Variants in MYO5A observed in about 807,000 individuals in gnomAD.
MYO5A encodes myosin VA.
In MYO5A, 98 loss-of-function variants were observed where a neutral mutation model predicts 249.7. The observed-to-expected ratio is 0.39, with a 90% CI of 0.33 to 0.46. MYO5A has a LOEUF of 0.46. MYO5A is among the 20% of genes least tolerant of loss of function. MYO5A has a pLI of 0.98. For synonymous variants in MYO5A, 778 were observed against 810.6 expected, an observed-to-expected ratio of 0.96 and a Z score of 0.68; for missense variants, 1,696 against 2,308.8, an observed-to-expected ratio of 0.73 and a Z score of 5.44.
intron 1 of MYO5A, among the ~76,000 whole-genome samples, chr15:52,449,551 C>A (rs1026133402): frequency 3.9e-5 from 6 of 152,042 alleles, no homozygotes; most frequent in Non-Finnish European, 7.4e-5. Context: ...TGGCAGCCTA[C>A]CTGGAACACT....
At chr15:52,468,026 C>T (rs1392956582) in intron 1 of MYO5A, among the ~76,000 whole-genome samples, 1 of 152,058 alleles carries the variant, frequency 6.6e-6, no homozygotes, top group East Asian at 1.9e-4. Flanking sequence ...AAACAGGTAG[C>T]GAACAGAAGC....
chr15:52,392,163 G>A (rs900121575), intron 11 of MYO5A, 93 bp from the exon 12 acceptor site: 1 of 1,290,820 alleles, frequency 7.7e-7, no homozygotes, highest in Non-Finnish European at 1.1e-6. Context: ...GATAATCTGT[G>A]GCTTTCAACA....
At chr15:52,331,218 T>TA (rs146117964) in intron 34 of MYO5A, among the ~76,000 whole-genome samples, 4,904 of 152,286 alleles carry the variant, frequency 0.032, 282 homozygotes, top group African/African-American at 0.11. Context: ...AATATAATGT[T>TA]AAAAATTCTA....
At chr15:52,365,004 C>G (rs2040741410) in intron 23 of MYO5A, among the ~76,000 whole-genome samples, 1 of 152,148 alleles carries the variant, frequency 6.6e-6, no homozygotes, top group East Asian at 1.9e-4. Flanking sequence ...TGTCTAGTAA[C>G]TAAAGTGTAC....
chr15:52,470,415 G>A (rs2076436896), intron 1 of MYO5A, among the ~76,000 whole-genome samples: 1 of 152,128 alleles, frequency 6.6e-6, no homozygotes, highest in Admixed American at 6.5e-5. Context: ...ACGTTGGGAG[G>A]CCGAGGCAGG....
chr15:52,429,051 A>G (rs1204797672), intron 2 of MYO5A, among the ~76,000 whole-genome samples: 1 of 152,188 alleles, frequency 6.6e-6, no homozygotes, highest in Non-Finnish European at 1.5e-5. Flanking sequence ...GGGTTGTGGT[A>G]AAAAAGTAAA....
intron 38 of MYO5A, 64 bp from the exon 39 acceptor site, chr15:52,319,406 C>G: frequency 5.4e-6 from 8 of 1,484,684 alleles, no homozygotes; most frequent in Non-Finnish European, 7.5e-6. Context: ...GTGCACATAT[C>G]CATGTGCACA....
intron 1 of MYO5A, among the ~76,000 whole-genome samples, chr15:52,445,364 C>T (rs1034749230): frequency 7.2e-5 from 11 of 152,044 alleles, no homozygotes; most frequent in African/African-American, 2.2e-4. Context: ...AAGCAGATGC[C>T]GCCATGCTTC....
chr15:52,445,126 T>A (rs555531379), intron 1 of MYO5A, among the ~76,000 whole-genome samples: 4 of 152,290 alleles, frequency 2.6e-5, no homozygotes, highest in Non-Finnish European at 4.4e-5. Flanking sequence ...TGAAATGTAA[T>A]CCCCAATGCT....
At chr15:52,350,332 T>C (rs935838297) in intron 28 of MYO5A, among the ~76,000 whole-genome samples, 3 of 152,236 alleles carry the variant, frequency 2.0e-5, no homozygotes, top group African/African-American at 7.2e-5. Flanking sequence ...TTTTTAGAAT[T>C]TGATATTTTT....
intron 11 of MYO5A, among the ~76,000 whole-genome samples, chr15:52,395,299 C>T (rs2042440154): frequency 6.6e-6 from 1 of 152,178 alleles, no homozygotes; most frequent in Admixed American, 6.5e-5. Context: ...CACTATTCTC[C>T]CTATATTACT....
intron 1 of MYO5A, among the ~76,000 whole-genome samples, chr15:52,479,497 C>G (rs530861951): frequency 3.4e-4 from 51 of 151,656 alleles, no homozygotes; most frequent in African/African-American, 1.1e-3. Context: ...GTAAGTGGAC[C>G]CATGCAGTTC....
chr15:52,313,512 A>G lies in MYO5A; in HGVS notation c.*184T>C, dbSNP rs887604296. On this transcript the variant is annotated 3_prime_UTR_variant, in exon 42 of 42. Transcript: ENST00000399233. ...GTTGCTATAAAGATAACACAGCACGAAAGAGCCTATCTTTGTTTCCAAAGT... is the reference window on the plus strand; with the variant it reads ...GTTGCTATAAAGATAACACAGCACGGAAGAGCCTATCTTTGTTTCCAAAGT... The G allele has an allele frequency of 1.3e-6, 1 of 764,186 alleles. No individual in the cohort carries two copies. The highest frequency in any genetic ancestry group is 2.8e-5 in the East Asian group (1 of 36,026). The allele number at this position is 764,186 out of a possible 1,614,324, so 47.3% of individuals were successfully genotyped here. A position where few individuals can be genotyped will look rare whatever the true frequency, so the allele number is the denominator to read the frequency against.
chr15:52,515,302 G>GAAAGAAAA (rs2077474907), intron 1 of MYO5A, among the ~76,000 whole-genome samples: 1 of 150,566 alleles, frequency 6.6e-6, no homozygotes, highest in Non-Finnish European at 1.5e-5. Flanking sequence ...AAGAAAGAAA[G>GAAAGAAAA]AAAAAAAAGA....
Position 52,387,208 on chromosome 15 carries a change from C to T in MYO5A, c.1752+621G>A, listed in dbSNP as rs143292735. On this transcript the variant is annotated intron_variant, in intron 14 of 41. Coordinates refer to ENST00000399233, the MANE Select transcript of MYO5A (RefSeq NM_001382347.1). Reference sequence around the variant, plus strand: ...GGATGGAGGGGATCAACCTAATCATCAATACAATGTAGCCATCGTAGCTCT... The same window carrying T: ...GGATGGAGGGGATCAACCTAATCATTAATACAATGTAGCCATCGTAGCTCT... Among the ~76,000 whole-genome samples the T allele has an allele frequency of 2.6e-5, 4 of 152,320 alleles. No homozygotes were observed. The East Asian group carries it at 7.7e-4, about 29-fold the overall frequency.
rs1341925571 is a variant in MYO5A, at chr15:52,308,215, G to A, written c.*5481C>T. ...TTAAGTTAAGCTAACGAACATTTTA[G>A]ATAGACCAAATTACAAATAAAAAAA... On this transcript the variant is annotated 3_prime_UTR_variant, in exon 42 of 42. Transcript: ENST00000399233. The A allele has an allele frequency of 6.6e-6, 1 of 152,150 alleles. No individual in the cohort carries two copies. Among genetic ancestry groups the A allele is most frequent in the Non-Finnish European group, 1.5e-5 (1 of 68,024 alleles). The allele number at this position is 152,150 out of a possible 1,614,324, so 9.4% of individuals were successfully genotyped here. A position where few individuals can be genotyped will look rare whatever the true frequency, so the allele number is the denominator to read the frequency against.
At chr15:52,481,827 T>C (rs968855031) in intron 1 of MYO5A, among the ~76,000 whole-genome samples, 19 of 152,218 alleles carry the variant, frequency 1.2e-4, no homozygotes, top group African/African-American at 4.6e-4. Flanking sequence ...AACATAGTAG[T>C]ACTCAGTAAA....
At chr15:52,353,379 G>A (rs535431217) in intron 27 of MYO5A, among the ~76,000 whole-genome samples, 7 of 152,080 alleles carry the variant, frequency 4.6e-5, no homozygotes, top group South Asian at 4.1e-4. Flanking sequence ...CCACAGCCTC[G>A]AACAGCAGCT....
chr15:52,469,881 T>C (rs1172022988), intron 1 of MYO5A, among the ~76,000 whole-genome samples: 1 of 152,186 alleles, frequency 6.6e-6, no homozygotes, highest in Non-Finnish European at 1.5e-5. Flanking sequence ...GTTAATTGCT[T>C]TGGTGTAGTG....
Sources: gnomAD v4.1 joint callset for allele counts (sites outside exome capture counted in the v4.1 genomes callset) on GRCh38, gnomAD v4.1.1 for gene constraint, MANE v1.5 for transcripts, NCBI Gene and HGNC (gene_info 2026-07-23, HGNC 2026-07-21) for gene names.